Variants in ACAN observed in about 807,000 individuals in gnomAD.
ACAN encodes aggrecan core protein.
In ACAN, 47 loss-of-function variants were observed where a neutral mutation model predicts 169.1. The observed-to-expected ratio is 0.28, with a 90% CI of 0.22 to 0.35. The LOEUF is 0.35. Ranked by LOEUF, ACAN falls within the 10% of genes least tolerant of loss-of-function variation. The probability of loss-of-function intolerance (pLI) is 1.00; values close to 1 mark genes in which losing one functional copy is unlikely to be tolerated. For missense variants in ACAN, 2,716 were observed against 2,759.9 expected, an observed-to-expected ratio of 0.98 and a Z score of 0.36; for synonymous variants, 1,115 against 1,112.2, an observed-to-expected ratio of 1.00 and a Z score of -0.05.
At position 88,871,933 on chromosome 15, in the gene ACAN, G is replaced by T; in HGVS notation, c.7220-70G>T. 2 of 1,381,322 alleles carry T rather than the reference G, an allele frequency of 1.4e-6. No individual in the cohort carries two copies. Among genetic ancestry groups the T allele is most frequent in the East Asian group, 4.6e-5 (2 of 43,804 alleles). 85.6% of individuals were successfully genotyped at this position (1,381,322 alleles called of 1,614,324 possible). A position where few individuals can be genotyped will look rare whatever the true frequency, so the allele number is the denominator to read the frequency against. ...TTCCTCCTCCATCCCCTCTGCCTCCGTGAGCTCAAGTTTCTCAGACACCCT... is the reference window on the plus strand; with the variant it reads ...TTCCTCCTCCATCCCCTCTGCCTCCTTGAGCTCAAGTTTCTCAGACACCCT... On this transcript the variant is annotated intron_variant, in intron 15 of 18. Coordinates refer to ENST00000560601, the MANE Select transcript of ACAN (RefSeq NM_001369268.1). This position sits in a 1 kb window ranked among gnomAD's most constrained non-coding sequence, Gnocchi z 7.8.
rs1188505035 is a variant in ACAN at position 88,803,778 on chromosome 15, A to C, written c.-39A>C. On this transcript the variant is annotated 5_prime_UTR_variant, in exon 1 of 19. Coordinates refer to ENST00000560601, the MANE Select transcript of ACAN (RefSeq NM_001369268.1). ...TGCCTCGCCAGGTGTGTGGGACTGA[A>C]GTTCTTGGAGAAGGGAGTCCAACTC... The C allele has an allele frequency of 6.6e-6, 1 of 152,122 alleles. No individual in the cohort carries two copies. Among genetic ancestry groups the C allele is most frequent in the East Asian group, 1.9e-4 (1 of 5,132 alleles). 9.4% of individuals were successfully genotyped at this position (152,122 alleles called of 1,614,324 possible).
At chr15:88,850,968 GT>G (rs930865305) in intron 10 of ACAN, 4 of 150,066 alleles carry the variant, frequency 2.7e-5, no homozygotes, top group African/African-American at 1.0e-4. Context: ...AAAATTCAAA[GT>G]TCAGCCAGCC....
At chr15:88,862,625 G>C (rs1897217347) in intron 13 of ACAN, among the ~76,000 whole-genome samples, 1 of 152,156 alleles carries the variant, frequency 6.6e-6, no homozygotes, top group Non-Finnish European at 1.5e-5. Flanking sequence ...GCTTCCAGAA[G>C]GACTGCAGAT....
chr15:88,841,038 G>A (rs534833648), intron 4 of ACAN, among the ~76,000 whole-genome samples: 73 of 152,298 alleles, frequency 4.8e-4, no homozygotes, highest in South Asian at 1.9e-3. Context: ...CCAGCTACTC[G>A]GGAGGCTGAG....
chr15:88,840,905 G>A (rs956562415), intron 4 of ACAN, among the ~76,000 whole-genome samples: 11 of 152,182 alleles, frequency 7.2e-5, no homozygotes, highest in Admixed American at 2.0e-4. Context: ...AGCACTTTGG[G>A]AGGCCAAGGC....
chr15:88,810,048 ATTCAT>A (rs1895780427), intron 1 of ACAN, among the ~76,000 whole-genome samples: 2 of 152,056 alleles, frequency 1.3e-5, no homozygotes, highest in Non-Finnish European at 2.9e-5. Flanking sequence ...GCAGAAAGGG[ATTCAT>A]GGGTCACCAC....
Position 88,858,351 on chromosome 15 carries a change from T to C in ACAN, c.5766T>C (p.Tyr1922=). The C allele has an allele frequency of 6.2e-7, 1 of 1,613,934 alleles. No individual in the cohort carries two copies. The highest frequency in any genetic ancestry group is 8.5e-7 in the Non-Finnish European group (1 of 1,179,888). The part of the protein sequence containing the change: ...EIGSSLPSGA[Y]YGSGTPSSFP... Reference sequence around the variant, plus strand: ...GGAGCAGCCTGCCCTCGGGAGCATATTATGGCAGTGGAACTCCATCTAGTT... The same window carrying C: ...GGAGCAGCCTGCCCTCGGGAGCATACTATGGCAGTGGAACTCCATCTAGTT... Residue 1922 remains tyrosine (Y), a synonymous_variant, in exon 12 of 19, where the codon TAT becomes TAC. Transcript: ENST00000560601. This position sits in a 1 kb window ranked among gnomAD's most constrained non-coding sequence, Gnocchi z 4.0.
Position 88,857,443 on chromosome 15 carries a change from C to G in ACAN, c.4858C>G (p.Pro1620Ala). ...TGGAACTCTAGGAAGTGGGCAAGCT[C>G]CAGAAACAAGTGGTCTTCCCTCTGG... Reference protein sequence around the residue: ...PSGTLGSGQAPETSGLPSGFS... With the variant: ...PSGTLGSGQAAETSGLPSGFS... The change falls in exon 12 of 19, where the codon CCA becomes GCA. Residue 1620 changes from proline to alanine, a missense_variant. Pro to Ala is a conservative substitution (Grantham distance 27). Transcript: ENST00000560601. 1 of 1,613,880 alleles carries G rather than the reference C, an allele frequency of 6.2e-7. No individual in the cohort carries two copies. Among genetic ancestry groups the G allele is most frequent in the Non-Finnish European group, 8.5e-7 (1 of 1,179,894 alleles).
chr15:88,826,477 T>A (rs761069793), intron 1 of ACAN, among the ~76,000 whole-genome samples: 3 of 10,514 alleles, frequency 2.9e-4, no homozygotes, highest in Non-Finnish European at 5.5e-4. Flanking sequence ...AGGGGACCCC[T>A]GGAGACACAG....
At chr15:88,863,115 C>G (rs1897230038) in intron 13 of ACAN, among the ~76,000 whole-genome samples, 1 of 151,994 alleles carries the variant, frequency 6.6e-6, no homozygotes, top group South Asian at 2.1e-4. Flanking sequence ...AAAACTTCCA[C>G]CTGGTCAAGG....
At chr15:88,846,818 G>A (rs1040646752) in intron 7 of ACAN, among the ~76,000 whole-genome samples, 1 of 152,186 alleles carries the variant, frequency 6.6e-6, no homozygotes, top group African/African-American at 2.4e-5. Context: ...AAGGATAACT[G>A]TAGTTGTAAC....
rs746720958 is a variant in ACAN, at chr15:88,855,162, G to C, written c.2577G>C (p.Glu859Asp). 2.5e-6 allele frequency: 4 copies of C among 1,609,040 alleles called. No individual in the cohort carries two copies. The highest frequency in any genetic ancestry group is 3.4e-6 in the Non-Finnish European group (4 of 1,176,788). ...GGACTGAGCTGCCCAGCTCTGGGGA[G>C]GAATCTGGGGCCCCTGATGTCAGTG... ...PSWTELPSSG[E>D]ESGAPDVSGD... The change falls in exon 12 of 19, where the codon GAG becomes GAC. Residue 859 changes from glutamate to aspartate, a missense_variant. By Grantham distance (45) the Glu-to-Asp change is conservative. Around this residue, in one of 3 missense-constraint regions of ACAN, gnomAD observed 1,283 missense variants for 1,281.5 expected, o/e 1.00. Transcript: ENST00000560601.
Position 88,855,271 on chromosome 15 carries a change from T to A in ACAN, c.2686T>A (p.Ser896Thr). The A allele has an allele frequency of 1.9e-5, 31 of 1,610,160 alleles. No individual in the cohort carries two copies. The highest frequency in any genetic ancestry group is 2.6e-5 in the Non-Finnish European group (31 of 1,177,090). ...AGGGGACAGGGCAAGTGGACTGCCCTCTGGAGACCTGGACTCCAGTGGTCT... is the reference window on the plus strand; with the variant it reads ...AGGGGACAGGGCAAGTGGACTGCCCACTGGAGACCTGGACTCCAGTGGTCT... ...LSGDRASGLP[S>T]GDLDSSGLTS... The change falls in exon 12 of 19, where the codon TCT becomes ACT. Residue 896 changes from serine to threonine, a missense_variant. By Grantham distance (58) the Ser-to-Thr change is moderately conservative. Transcript: ENST00000560601.
chr15:88,828,279 G>C lies in ACAN; in HGVS notation c.-7-7921G>C, dbSNP rs147869008. On this transcript the variant is annotated intron_variant, in intron 1 of 18. Transcript: ENST00000560601. ...AGGACAGGGCCAGACCCTAGCCCCAGATTCAAATAGGGCACTGCCAGGGGA... is the reference window on the plus strand; with the variant it reads ...AGGACAGGGCCAGACCCTAGCCCCACATTCAAATAGGGCACTGCCAGGGGA... 1.9e-3 allele frequency among the ~76,000 whole-genome samples: 291 copies of C among 152,280 alleles called. 2 individuals are homozygous for C. The highest frequency in any genetic ancestry group is 6.7e-3 in the African/African-American group (277 of 41,544).
Position 88,840,910 on chromosome 15 carries a change from C to T in ACAN, c.629+724C>T, listed in dbSNP as rs565565232. Among the ~76,000 whole-genome samples the T allele has an allele frequency of 5.3e-5, 8 of 152,182 alleles. 1 individual carries two copies. The South Asian group carries it at 8.3e-4, about 16-fold the overall frequency. ...CTGTAATCCCAGCACTTTGGGAGGC[C>T]AAGGCGGGCAGATCACGAAGTCAGG... On this transcript the variant is annotated intron_variant, in intron 4 of 18. Coordinates refer to ENST00000560601, the MANE Select transcript of ACAN (RefSeq NM_001369268.1).
At position 88,843,294 on chromosome 15, in the gene ACAN, G is replaced by GTCGTC; in HGVS notation, c.758-61_758-60insTCGTC. 7.0e-7 allele frequency: 1 copy of GTCGTC among 1,418,578 alleles called. No individual in the cohort carries two copies. The highest frequency in any genetic ancestry group is 1.5e-5 in the South Asian group (1 of 67,830). 87.9% of individuals were successfully genotyped at this position (1,418,578 alleles called of 1,614,324 possible). On this transcript the variant is annotated intron_variant, in intron 5 of 18. Coordinates refer to ENST00000560601, the MANE Select transcript of ACAN (RefSeq NM_001369268.1). The surrounding 1 kb of genome is among the most constrained non-coding windows in gnomAD (Gnocchi z 4.0). ...TCGTGGAAAAGTGTGGATCTCTCTG[G>GTCGTC]GGATGCAGAGCAGGGGGAGGGGGGA...
intron 6 of ACAN, among the ~76,000 whole-genome samples, chr15:88,844,812 A>G (rs1209182587): frequency 6.6e-6 from 1 of 152,226 alleles, no homozygotes; most frequent in Non-Finnish European, 1.5e-5. Flanking sequence ...TAATTCTTGG[A>G]GGAAAAAACA....
chr15:88,826,960 G>A (rs995877584), intron 1 of ACAN, among the ~76,000 whole-genome samples: 4 of 152,300 alleles, frequency 2.6e-5, no homozygotes, highest in African/African-American at 9.6e-5. Context: ...CACTATCTGT[G>A]TGACTTTGGG....
intron 1 of ACAN, among the ~76,000 whole-genome samples, chr15:88,813,299 A>G (rs568190759): frequency 6.6e-6 from 1 of 152,356 alleles, no homozygotes; most frequent in African/African-American, 2.4e-5. Flanking sequence ...GCCACATTCT[A>G]TTAGAACATC....
Sources: gnomAD v4.1 joint callset for allele counts (sites outside exome capture counted in the v4.1 genomes callset) on GRCh38, gnomAD v4.1.1 for gene constraint, gnomAD v4.1.1 regional missense constraint, Gnocchi (gnomAD v3.1) non-coding constraint, MANE v1.5 for transcripts, NCBI Gene and HGNC (gene_info 2026-07-23, HGNC 2026-07-21) for gene names.